The following SGCD variants were observed in gnomAD, a reference collection of about 807,000 sequenced individuals.
SGCD encodes sarcoglycan delta.
In SGCD, 18 loss-of-function variants were observed where a neutral mutation model predicts 36.6. That is an observed-to-expected ratio of 0.49 (90% confidence interval 0.34 to 0.73). The LOEUF (loss-of-function observed/expected upper bound fraction) is 0.73, where lower values mean the gene tolerates loss of function less well. Among genes scored for constraint, SGCD ranks in the 30% least tolerant of loss-of-function variants. The pLI, the probability that SGCD is intolerant of heterozygous loss-of-function variation, is 0.01. For synonymous variants in SGCD, 133 were observed against 130.6 expected, an observed-to-expected ratio of 1.02 and a Z score of -0.12; for missense variants, 387 against 346.7, an observed-to-expected ratio of 1.12 and a Z score of -0.92.
intron 3 of SGCD, among the ~76,000 whole-genome samples, chr5:156,222,301 A>C (rs1025906403): frequency 5.3e-5 from 8 of 152,128 alleles, no homozygotes; most frequent in African/African-American, 1.9e-4. Flanking sequence ...AGTATTAACT[A>C]TTTGCAAGTG....
At chr5:156,450,906 A>G (rs1272585369) in intron 3 of SGCD, among the ~76,000 whole-genome samples, 2 of 152,214 alleles carry the variant, frequency 1.3e-5, no homozygotes, top group Non-Finnish European at 2.9e-5. Flanking sequence ...AATTTCAAAA[A>G]AAAGAGCAAA....
chr5:155,743,414 T>C, the SGCD span, among the ~76,000 whole-genome samples: 9 of 152,284 alleles, frequency 5.9e-5, no homozygotes, highest in Non-Finnish European at 1.2e-4. Flanking sequence ...AGGATCACTG[T>C]CTCAGAAAAC....
At chr5:156,143,667 T>C (rs1762629382) in intron 3 of SGCD, among the ~76,000 whole-genome samples, 2 of 152,184 alleles carry the variant, frequency 1.3e-5, no homozygotes, top group South Asian at 4.1e-4. Flanking sequence ...AGGTTTAAGT[T>C]TTGATGACTG....
chr5:156,673,640 A>G (rs1353439782), intron 7 of SGCD, among the ~76,000 whole-genome samples: 3 of 152,212 alleles, frequency 2.0e-5, no homozygotes, highest in Admixed American at 6.5e-5. Flanking sequence ...AGCACAGAGG[A>G]ATTTGAATCC....
Position 156,374,222 on chromosome 5 carries a change from T to C in SGCD, c.192+29545T>C, listed in dbSNP as rs545950335. On this transcript the variant is annotated intron_variant, in intron 3 of 8. Transcript: ENST00000337851. ...ATTTCACTCTCTAGCCTAAAATATATTTTTGATTTAAGGACTTTTCTTACC... is the reference window on the plus strand; with the variant it reads ...ATTTCACTCTCTAGCCTAAAATATACTTTTGATTTAAGGACTTTTCTTACC... Among the ~76,000 whole-genome samples, 3 of 152,126 alleles carry C rather than the reference T, an allele frequency of 2.0e-5. 1 individual carries two copies. The East Asian group carries it at 5.8e-4, about 29-fold the overall frequency.
At chr5:156,320,709 T>A (rs1767634174) in intron 3 of SGCD, among the ~76,000 whole-genome samples, 1 of 152,236 alleles carries the variant, frequency 6.6e-6, no homozygotes, top group South Asian at 2.1e-4. Context: ...TATATTTGAA[T>A]TTCCGAAACA....
At chr5:156,186,224 G>A in intron 3 of SGCD, among the ~76,000 whole-genome samples, 1 of 152,058 alleles carries the variant, frequency 6.6e-6, no homozygotes, top group South Asian at 2.1e-4. Flanking sequence ...CAAAGTGAAG[G>A]TAACATATTA....
rs33983852 is a variant in SGCD at position 156,122,843 on chromosome 5, T to TA, written c.-207-972dup. ...ACCAGCATGGTAGTAAAAGATGTGG[T>TA]AAAAAAAAAAAAAAAAAAAAAAAAA... On this transcript the variant is annotated intron_variant, in intron 2 of 9. Transcript: ENST00000517913. 3.0e-3 allele frequency among the ~76,000 whole-genome samples: 164 copies of TA among 54,148 alleles called. 32 individuals carry two copies. The highest frequency in any genetic ancestry group is 3.4e-3 in the Non-Finnish European group (105 of 31,230). The allele number at this position is 54,148 out of a possible 152,430, so 35.5% of individuals were successfully genotyped here.
intron 3 of SGCD, among the ~76,000 whole-genome samples, chr5:156,444,909 G>C (rs1458623152): frequency 6.6e-6 from 1 of 152,158 alleles, no homozygotes; most frequent in Non-Finnish European, 1.5e-5. Flanking sequence ...ATGGGGCTAA[G>C]TAGTTTTACA....
At chr5:156,737,360 A>G (rs887974274) in intron 7 of SGCD, among the ~76,000 whole-genome samples, 1 of 152,168 alleles carries the variant, frequency 6.6e-6, no homozygotes, top group African/African-American at 2.4e-5. Flanking sequence ...ACTTCCCCCA[A>G]CTAACTGTAA....
intron 5 of SGCD, among the ~76,000 whole-genome samples, chr5:156,592,579 C>T (rs1760767094): frequency 6.6e-6 from 1 of 152,068 alleles, no homozygotes; most frequent in Admixed American, 6.6e-5. Flanking sequence ...GGCCCCAGCT[C>T]CCTTCTCCTT....
chr5:156,319,342 G>A (rs912326300), intron 3 of SGCD, among the ~76,000 whole-genome samples: 1 of 152,154 alleles, frequency 6.6e-6, no homozygotes, highest in African/African-American at 2.4e-5. Flanking sequence ...TATTTAATGA[G>A]CACTTGATCT....
intron 3 of SGCD, among the ~76,000 whole-genome samples, chr5:156,363,558 T>C (rs1296212758): frequency 6.6e-6 from 1 of 152,184 alleles, no homozygotes; most frequent in Non-Finnish European, 1.5e-5. Flanking sequence ...TAATAGCTAT[T>C]ATTTTTTTAA....
At chr5:156,427,862 C>CATCCCTGT (rs1773744902) in intron 3 of SGCD, among the ~76,000 whole-genome samples, 1 of 152,050 alleles carries the variant, frequency 6.6e-6, no homozygotes, top group South Asian at 2.1e-4. Flanking sequence ...TATGCTAAAC[C>CATCCCTGT]ATCCCTGTAT....
the SGCD span, among the ~76,000 whole-genome samples, chr5:155,826,679 C>A: frequency 2.7e-3 from 407 of 152,302 alleles, 1 homozygote; most frequent in African/African-American, 7.6e-3. Context: ...ATTTGAAGAA[C>A]CCTAAATGAA....
chr5:156,723,663 C>A (rs1489962619), intron 7 of SGCD, among the ~76,000 whole-genome samples: 1 of 152,158 alleles, frequency 6.6e-6, no homozygotes, highest in Non-Finnish European at 1.5e-5. Context: ...TTGACTTGCG[C>A]TCTTGAGGAT....
At chr5:156,005,521 G>A (rs1229975024) in intron 1 of SGCD, among the ~76,000 whole-genome samples, 1 of 152,012 alleles carries the variant, frequency 6.6e-6, no homozygotes, top group African/African-American at 2.4e-5. Flanking sequence ...CGTGATCTTG[G>A]CTCACTGCAA....
Position 156,133,067 on chromosome 5 carries a change from AC to A in SGCD, c.-44+9050del, listed in dbSNP as rs202039744. ...GCCACTTCATATCGATGTGACACTT[AC>A]CTTCTCTTTTGGATCTCAATTTCCT... On this transcript the variant is annotated intron_variant, in intron 3 of 9. Coordinates refer to the SGCD transcript ENST00000517913. 7.5e-4 allele frequency among the ~76,000 whole-genome samples: 114 copies of A among 152,280 alleles called. 1 individual carries two copies. The East Asian group carries it at 0.02, about 26-fold the overall frequency.
At chr5:156,536,099 G>A (rs1306379215) in intron 4 of SGCD, among the ~76,000 whole-genome samples, 1 of 152,084 alleles carries the variant, frequency 6.6e-6, no homozygotes, top group East Asian at 1.9e-4. Context: ...TCATTTGTCA[G>A]GGTACTAGCC....
Sources: gnomAD v4.1 joint callset for allele counts (sites outside exome capture counted in the v4.1 genomes callset) on GRCh38, gnomAD v4.1.1 for gene constraint, MANE v1.5 for transcripts, NCBI Gene and HGNC (gene_info 2026-07-23, HGNC 2026-07-21) for gene names.